Variants in PKP2 observed in about 807,000 individuals in gnomAD.
The protein encoded by PKP2 is plakophilin-2.
In PKP2, 73 loss-of-function variants were observed where a neutral mutation model predicts 83.4. That is an observed-to-expected ratio of 0.88 (90% confidence interval 0.72 to 1.06). The LOEUF (loss-of-function observed/expected upper bound fraction) is 1.06, where lower values mean the gene tolerates loss of function less well. Among genes scored for constraint, PKP2 ranks in the 50% least tolerant of loss-of-function variants. The probability of loss-of-function intolerance (pLI) is 0.00; values close to 1 mark genes in which losing one functional copy is unlikely to be tolerated. For synonymous variants in PKP2, 409 were observed against 430.4 expected (o/e 0.95, Z 0.62); for missense variants, 966 against 1,065.4 (o/e 0.91, Z 1.30).
chr12:32,817,961 G>A (rs996104992), intron 9 of PKP2, among the ~76,000 whole-genome samples: 6 of 152,050 alleles, frequency 3.9e-5, no homozygotes, highest in Non-Finnish European at 5.9e-5. Context: ...ATTGTGAACC[G>A]CACATGAGGG....
intron 1 of PKP2, among the ~76,000 whole-genome samples, chr12:32,883,831 C>T (rs1183743439): frequency 2.0e-5 from 3 of 152,132 alleles, no homozygotes; most frequent in Non-Finnish European, 4.4e-5. Context: ...TAGACTCAAA[C>T]GCTTTCAAAA....
At chr12:32,821,813 T>G (rs1194554148) in intron 8 of PKP2, 1 of 388,236 alleles carries the variant, frequency 2.6e-6, no homozygotes. Context: ...AGAATGGTTT[T>G]CAGGCTGCTG....
chr12:32,802,205 T>TA (rs1176187850), intron 10 of PKP2, among the ~76,000 whole-genome samples, 198 bp downstream of exon 10: 17 of 152,086 alleles, frequency 1.1e-4, no homozygotes, highest in East Asian at 3.9e-4. Flanking sequence ...GTTGGATATT[T>TA]AAAAAAAATC....
In PKP2 at chr12:32,812,186, C is replaced by T. The variant is rs540404346; in HGVS notation, c.2013+9170G>A. On this transcript the variant is annotated intron_variant, in intron 9 of 12. Coordinates refer to ENST00000340811, the MANE Select transcript of PKP2 (RefSeq NM_001005242.3). ...TTGTGTGCCTGCGTTTTGACTGTGA[C>T]TCGTCACATAAGGTCAAGTATAACA... 1.8e-3 allele frequency among the ~76,000 whole-genome samples: 260 copies of T among 148,062 alleles called. 1 individual carries two copies. The highest frequency in any genetic ancestry group is 3.5e-3 in the Middle Eastern group (1 of 286).
chr12:32,792,551 A>AT (rs1956079112), intron 12 of PKP2, 59 bp from the exon 13 acceptor site: 7 of 1,564,810 alleles, frequency 4.5e-6, no homozygotes, highest in Non-Finnish European at 5.3e-6. Context: ...AAGAAAATGC[A>AT]GTTTTTTAGC....
intron 1 of PKP2, among the ~76,000 whole-genome samples, chr12:32,882,613 CAT>C (rs1426321315): frequency 6.6e-6 from 1 of 152,180 alleles, no homozygotes; most frequent in Non-Finnish European, 1.5e-5. Flanking sequence ...GTTTAACTGA[CAT>C]TAAACATTCA....
intron 1 of PKP2, among the ~76,000 whole-genome samples, chr12:32,882,613 C>T (rs1487746222): frequency 6.6e-6 from 1 of 152,180 alleles, no homozygotes; most frequent in East Asian, 1.9e-4. Context: ...GTTTAACTGA[C>T]ATTAAACATT....
chr12:32,809,920 G>A (rs1448693824), intron 9 of PKP2, among the ~76,000 whole-genome samples: 3 of 152,160 alleles, frequency 2.0e-5, no homozygotes, highest in African/African-American at 7.2e-5. Context: ...GTCCCAATGC[G>A]AGAACCTGGA....
chr12:32,844,781 C>A (rs1298528014), intron 5 of PKP2, among the ~76,000 whole-genome samples: 1 of 152,168 alleles, frequency 6.6e-6, no homozygotes, highest in African/African-American at 2.4e-5. Flanking sequence ...AGTGACAAAA[C>A]AGACTCACAG....
intron 4 of PKP2, among the ~76,000 whole-genome samples, chr12:32,856,677 C>T (rs1956752469): frequency 6.6e-6 from 1 of 151,402 alleles, no homozygotes; most frequent in Admixed American, 6.6e-5. Flanking sequence ...GGGTGCAGCA[C>T]ACTAACATGG....
intron 3 of PKP2, among the ~76,000 whole-genome samples, chr12:32,870,425 T>TA (rs748089526): frequency 2.0e-5 from 3 of 152,186 alleles, no homozygotes; most frequent in South Asian, 4.2e-4. Context: ...TAAAGGGTAT[T>TA]AAAAGTGAAG....
Position 32,877,849 on chromosome 12 carries a change from A to G in PKP2, c.1031T>C (p.Leu344Pro). 2 of 1,610,198 alleles carry G rather than the reference A, an allele frequency of 1.2e-6. No individual in the cohort carries two copies. The highest frequency in any genetic ancestry group is 1.7e-6 in the Non-Finnish European group (2 of 1,176,444). Residue 344 changes from leucine to proline, a missense_variant, in exon 3 of 13, where the codon CTG becomes CCG. Physicochemically the swap from Leu to Pro is moderately conservative, Grantham distance 98 (BLOSUM62 -3). Transcript: ENST00000340811. ...GCAGAGTCAGGAGGGGACTTACCCC[A>G]GCTGGGAGTCAGTGAAAGTGCTTCT... ...TERSTFTDSQ[L>P]GNADMEMTLE...
intron 4 of PKP2, among the ~76,000 whole-genome samples, chr12:32,856,015 T>C (rs1336477053): frequency 6.6e-6 from 1 of 152,126 alleles, no homozygotes; most frequent in East Asian, 1.9e-4. Flanking sequence ...ATTGAAGATA[T>C]GTAAGTATAT....
At chr12:32,848,127 C>A (rs546969225) in intron 5 of PKP2, among the ~76,000 whole-genome samples, 1 of 152,124 alleles carries the variant, frequency 6.6e-6, no homozygotes, top group East Asian at 1.9e-4. Flanking sequence ...CTGGCAAGAG[C>A]GTAGCATGGT....
At position 32,878,950 on chromosome 12, in the gene PKP2, G is replaced by T. The variant is rs376613662; in HGVS notation, c.306C>A (p.Ser102=). The T allele has an allele frequency of 2.3e-4, 375 of 1,598,000 alleles. 2 individuals carry two copies. The highest frequency in any genetic ancestry group is 1.0e-3 in the South Asian group (91 of 90,718). The part of the protein sequence containing the change: ...LVENDFVGGR[S]PVPKTYDMLK... The stretch of plus-strand genomic sequence containing the variant: ...GCATGTCATAGGTTTTAGGAACAGG[G>T]GAACGGCCTCCAACAAAATCATTTT... The change falls in exon 2 of 13, where the codon TCC becomes TCA. Residue 102 remains serine (S), a synonymous_variant. Transcript: ENST00000340811.
intron 9 of PKP2, among the ~76,000 whole-genome samples, chr12:32,815,989 T>G (rs11052261): frequency 0.28 from 42,882 of 152,100 alleles, 8,036 homozygotes; most frequent in East Asian, 0.57. Context: ...CTGTTAATTC[T>G]CTGGTCAACT....
At chr12:32,850,025 G>T (rs568522519) in intron 5 of PKP2, among the ~76,000 whole-genome samples, 41 of 152,306 alleles carry the variant, frequency 2.7e-4, no homozygotes, top group African/African-American at 9.6e-4. Context: ...TGTGGTTCTT[G>T]TCAGTTTTCT....
rs1956075114 is a variant in PKP2 at position 32,792,270 on chromosome 12, A to C, written c.*154T>G. The C allele has an allele frequency of 2.8e-6, 2 of 704,558 alleles. No homozygotes were observed. Among genetic ancestry groups the C allele is most frequent in the African/African-American group, 1.8e-5 (1 of 56,198 alleles). 43.6% of individuals were successfully genotyped at this position (704,558 alleles called of 1,614,324 possible). On this transcript the variant is annotated 3_prime_UTR_variant, in exon 13 of 13. Transcript: ENST00000340811. The stretch of plus-strand genomic sequence containing the variant: ...CAAAGGTCTTCTGGAAGACTCATAA[A>C]ATTATGTTCTATTTGTTTTCTGGAT...
chr12:32,863,097 G>C (rs1187544644), intron 4 of PKP2: 1 of 156,832 alleles, frequency 6.4e-6, no homozygotes, highest in African/African-American at 2.4e-5. Flanking sequence ...GTTCTAAATG[G>C]AAATACGACT....
Sources: gnomAD v4.1 joint callset for allele counts (sites outside exome capture counted in the v4.1 genomes callset) on GRCh38, gnomAD v4.1.1 for gene constraint, MANE v1.5 for transcripts, NCBI Gene and HGNC (gene_info 2026-07-23, HGNC 2026-07-21) for gene names.